MALRD1: variants seen among roughly 807,000 people sequenced by gnomAD.
MALRD1 encodes MAM and LDL-receptor class A domain-containing protein 1.
Under a neutral mutation model 242.1 loss-of-function variants are expected in MALRD1, and 247 were observed. That is an observed-to-expected ratio of 1.02 (90% CI 0.92 to 1.13). MALRD1 has a LOEUF of 1.13. Ranked by LOEUF, MALRD1 falls within the 50% of genes most tolerant of loss-of-function variation. The pLI, the probability that MALRD1 is intolerant of heterozygous loss-of-function variation, is 0.00. For synonymous variants in MALRD1, 995 were observed against 866.6 expected (o/e 1.15, Z -2.60); for missense variants, 2,989 against 2,533.1 (o/e 1.18, Z -3.86).
chr10:19,714,878 C>A (rs1834311858), intron 38 of MALRD1, among the ~76,000 whole-genome samples: 2 of 152,096 alleles, frequency 1.3e-5, no homozygotes, highest in African/African-American at 4.8e-5. Flanking sequence ...GAAACTATCA[C>A]CCCTACCCTG....
chr10:19,099,324 C>A (rs1307945331), intron 4 of MALRD1, among the ~76,000 whole-genome samples: 1 of 152,186 alleles, frequency 6.6e-6, no homozygotes, highest in African/African-American at 2.4e-5. Flanking sequence ...TAAATAATTT[C>A]TTTCTAGCTC....
At chr10:19,623,880 T>G (rs1782642409) in intron 36 of MALRD1, among the ~76,000 whole-genome samples, 1 of 152,130 alleles carries the variant, frequency 6.6e-6, no homozygotes, top group African/African-American at 2.4e-5. Context: ...ACCAGCTATC[T>G]GGGCATCCCT....
intron 32 of MALRD1, among the ~76,000 whole-genome samples, chr10:19,558,976 G>C (rs1835844382): frequency 1.3e-5 from 2 of 151,852 alleles, no homozygotes; most frequent in South Asian, 4.2e-4. Flanking sequence ...TTGAGGTTAG[G>C]GATTCGAGAC....
intron 24 of MALRD1, among the ~76,000 whole-genome samples, chr10:19,336,219 T>G (rs773269471): frequency 2.3e-4 from 35 of 152,214 alleles, no homozygotes; most frequent in Non-Finnish European, 4.0e-4. Context: ...TCTAAAATCT[T>G]ATTTGAACAT....
At chr10:19,528,400 C>T (rs942310731) in intron 31 of MALRD1, among the ~76,000 whole-genome samples, 5 of 152,130 alleles carry the variant, frequency 3.3e-5, no homozygotes, top group Admixed American at 2.0e-4. Context: ...CGAGACCATC[C>T]TGGGCAACAT....
chr10:19,194,516 T>A (rs184656858), intron 14 of MALRD1, among the ~76,000 whole-genome samples: 65 of 152,230 alleles, frequency 4.3e-4, no homozygotes, highest in Middle Eastern at 3.4e-3. Context: ...ACACTGTCAG[T>A]CTATTACCAT....
chr10:19,227,338 C>T (rs908187373), intron 18 of MALRD1, among the ~76,000 whole-genome samples: 2 of 151,890 alleles, frequency 1.3e-5, no homozygotes, highest in African/African-American at 4.8e-5. Flanking sequence ...ATATATCCAG[C>T]CTTACATGGC....
chr10:19,065,224 T>C (rs1834935743), intron 1 of MALRD1, among the ~76,000 whole-genome samples: 1 of 134,642 alleles, frequency 7.4e-6, no homozygotes, highest in Admixed American at 8.4e-5. Context: ...AAGGCAGAGG[T>C]TGTGGTGAGC....
intron 2 of MALRD1, among the ~76,000 whole-genome samples, chr10:19,084,299 C>T (rs891807313): frequency 6.6e-6 from 1 of 151,914 alleles, no homozygotes; most frequent in African/African-American, 2.4e-5. Flanking sequence ...TCTCTATTAT[C>T]CGAACTAAAC....
chr10:19,514,054 T>G (rs561203063), intron 31 of MALRD1, among the ~76,000 whole-genome samples: 1 of 152,316 alleles, frequency 6.6e-6, no homozygotes, highest in Middle Eastern at 3.4e-3. Context: ...TATTTTAGGC[T>G]TACAGCTGTT....
At chr10:19,307,938 A>T (rs940091810) in intron 21 of MALRD1, among the ~76,000 whole-genome samples, 2 of 151,506 alleles carry the variant, frequency 1.3e-5, no homozygotes, top group Non-Finnish European at 3.0e-5. Flanking sequence ...TATGAGTTAC[A>T]TATGATGTTT....
intron 32 of MALRD1, among the ~76,000 whole-genome samples, chr10:19,531,704 T>A (rs779197122): frequency 1.5e-4 from 23 of 152,330 alleles, no homozygotes; most frequent in Middle Eastern, 3.4e-3. Flanking sequence ...GTGAGGAAGA[T>A]AATTTTCTAC....
chr10:19,135,492 T>C (rs937876842), intron 9 of MALRD1, among the ~76,000 whole-genome samples: 11 of 152,194 alleles, frequency 7.2e-5, no homozygotes, highest in African/African-American at 2.7e-4. Flanking sequence ...ATTCAGAAAC[T>C]TTAAGCTGGA....
chr10:19,411,695 G>A (rs763713683), intron 28 of MALRD1, among the ~76,000 whole-genome samples: 4 of 152,072 alleles, frequency 2.6e-5, no homozygotes, highest in East Asian at 1.9e-4. Context: ...GGACTCAAAG[G>A]TTTACTAATT....
At chr10:19,421,308 C>A (rs1489092749) in intron 28 of MALRD1, among the ~76,000 whole-genome samples, 1 of 152,144 alleles carries the variant, frequency 6.6e-6, no homozygotes, top group African/African-American at 2.4e-5. Flanking sequence ...GGATTTGAAC[C>A]CTGGCTTTCC....
intron 33 of MALRD1, among the ~76,000 whole-genome samples, chr10:19,587,286 A>G (rs1432997422): frequency 2.0e-5 from 3 of 152,228 alleles, no homozygotes; most frequent in East Asian, 1.9e-4. Context: ...TGTTACTAAA[A>G]TGCCTGCCAG....
At chr10:19,070,769 A>C (rs981858146) in intron 2 of MALRD1, among the ~76,000 whole-genome samples, 1 of 139,244 alleles carries the variant, frequency 7.2e-6, no homozygotes, top group African/African-American at 2.7e-5. Flanking sequence ...CATTATATAT[A>C]TTTTTTCAAA....
intron 31 of MALRD1, among the ~76,000 whole-genome samples, chr10:19,515,789 C>T (rs1262966223): frequency 6.6e-6 from 1 of 152,026 alleles, no homozygotes; most frequent in African/African-American, 2.4e-5. Context: ...AGGATGGTCT[C>T]AATCTCTTGA....
In MALRD1 at chr10:19,271,391, T is replaced by G. The variant is rs61198078; in HGVS notation, c.3080-8656T>G. ...GATACAGAGAAAGCTTCCATTCATC[T>G]AAAGTTAAAAACCCAAATACCATTT... On this transcript the variant is annotated intron_variant, in intron 19 of 39. Coordinates refer to ENST00000454679, the MANE Select transcript of MALRD1 (RefSeq NM_001142308.3). Among the ~76,000 whole-genome samples, 975 of 152,326 alleles carry G rather than the reference T, an allele frequency of 6.4e-3. 10 individuals carry two copies. The highest frequency in any genetic ancestry group is 0.023 in the African/African-American group (945 of 41,582).
Sources: allele counts gnomAD v4.1 joint callset (sites outside exome capture counted in the v4.1 genomes callset), GRCh38; gene constraint gnomAD v4.1.1; transcripts MANE v1.5; gene names NCBI Gene and HGNC (gene_info 2026-07-23, HGNC 2026-07-21).